Variants in SPRED2 observed in about 807,000 individuals in gnomAD.
SPRED2 encodes the protein sprouty related EVH1 domain containing 2.
A neutral mutation model predicts 43.0 loss-of-function variants in SPRED2; 47 were observed. The observed-to-expected ratio is 1.09, with a 90% CI of 0.87 to 1.40. SPRED2 has a LOEUF of 1.40. Among genes scored for constraint, SPRED2 ranks in the 40% most tolerant of loss-of-function variants. SPRED2 has a pLI of 0.00. For missense variants in SPRED2, 561 were observed against 586.4 expected (o/e 0.96, Z 0.45); for synonymous variants, 225 against 225.7 (o/e 1.00, Z 0.03).
At chr2:65,396,786 CAAAT>C (rs1163319412) in intron 1 of SPRED2, among the ~76,000 whole-genome samples, 2 of 152,214 alleles carry the variant, frequency 1.3e-5, no homozygotes. Flanking sequence ...CCATTTTAAA[CAAAT>C]AAGTCACCCT....
chr2:65,338,839 A>T (rs1320064868), intron 2 of SPRED2, among the ~76,000 whole-genome samples: 1 of 143,374 alleles, frequency 7.0e-6, no homozygotes, highest in African/African-American at 2.6e-5. Flanking sequence ...CCGCCATCCC[A>T]CCTGGGAAGT....
chr2:65,311,923 G>A lies in SPRED2; in HGVS notation c.*1578C>T. Reference sequence around the variant, plus strand: ...CTGGTGTCCTGTGTGCAATAAAGAAGGAGTGGGGAAAGGGAGTGGGGAGCA... The same window carrying A: ...CTGGTGTCCTGTGTGCAATAAAGAAAGAGTGGGGAAAGGGAGTGGGGAGCA... On this transcript the variant is annotated 3_prime_UTR_variant, in exon 6 of 6. Coordinates refer to ENST00000356388, the MANE Select transcript of SPRED2 (RefSeq NM_181784.3). 1.0e-6 allele frequency: 1 copy of A among 985,418 alleles called. No individual in the cohort carries two copies. Among genetic ancestry groups the A allele is most frequent in the Non-Finnish European group, 1.2e-6 (1 of 829,954 alleles). The allele number at this position is 985,418 out of a possible 1,614,324, so 61.0% of individuals were successfully genotyped here. A position where few individuals can be genotyped will look rare whatever the true frequency, so the allele number is the denominator to read the frequency against.
intron 4 of SPRED2, among the ~76,000 whole-genome samples, chr2:65,324,278 T>C (rs985498667): frequency 1.1e-4 from 16 of 152,138 alleles, no homozygotes; most frequent in African/African-American, 3.9e-4. Flanking sequence ...AGCAACTCCA[T>C]GGAGCTTCAA....
intron 1 of SPRED2, chr2:65,366,655 C>CTA: frequency 2.6e-6 from 4 of 1,544,752 alleles, no homozygotes; most frequent in Non-Finnish European, 3.5e-6. Flanking sequence ...ATTATTGCTA[C>CTA]TATAAAGCTT....
intron 1 of SPRED2, among the ~76,000 whole-genome samples, chr2:65,391,293 G>A (rs1202709150): frequency 6.6e-6 from 1 of 151,760 alleles, no homozygotes; most frequent in East Asian, 1.9e-4. Context: ...AGGCCAACGG[G>A]AACAGGTGGT....
intron 3 of SPRED2, among the ~76,000 whole-genome samples, chr2:65,333,120 G>A (rs1244375408): frequency 6.6e-6 from 1 of 151,970 alleles, no homozygotes; most frequent in Non-Finnish European, 1.5e-5. Context: ...ACAAAAATTA[G>A]CTGGGTGTGA....
At chr2:65,362,446 A>G (rs987699899) in intron 1 of SPRED2, among the ~76,000 whole-genome samples, 2 of 151,848 alleles carry the variant, frequency 1.3e-5, no homozygotes, top group African/African-American at 4.8e-5. Context: ...ATTGTTTTGT[A>G]TTTTTAGTAG....
At chr2:65,360,077 A>AC (rs1674762424) in intron 1 of SPRED2, among the ~76,000 whole-genome samples, 4 of 95,300 alleles carry the variant, frequency 4.2e-5, no homozygotes, top group African/African-American at 1.4e-4. Context: ...AAAAAAAAAA[A>AC]ACAAAAAAAA....
chr2:65,381,627 A>G (rs1490981908), intron 1 of SPRED2, among the ~76,000 whole-genome samples: 2 of 152,240 alleles, frequency 1.3e-5, no homozygotes, highest in African/African-American at 4.8e-5. Flanking sequence ...AAGGTTCAGT[A>G]CATGACAGAC....
At chr2:65,391,210 AC>A (rs1675629254) in intron 1 of SPRED2, among the ~76,000 whole-genome samples, 1 of 151,696 alleles carries the variant, frequency 6.6e-6, no homozygotes, top group East Asian at 1.9e-4. Context: ...ACACACACAC[AC>A]ACACACACAC....
chr2:65,379,860 T>A (rs1675330933), intron 1 of SPRED2, among the ~76,000 whole-genome samples: 1 of 152,148 alleles, frequency 6.6e-6, no homozygotes, highest in South Asian at 2.1e-4. Context: ...TGGTCACACA[T>A]CCTCCTAGAT....
intron 1 of SPRED2, among the ~76,000 whole-genome samples, chr2:65,359,363 T>G (rs1180825293): frequency 6.6e-6 from 1 of 152,194 alleles, no homozygotes; most frequent in African/African-American, 2.4e-5. Context: ...AACACGTTAG[T>G]CTTAAAATAT....
Position 65,313,587 on chromosome 2 carries a change from T to C in SPRED2, c.1171A>G (p.Met391Val). The change falls in exon 6 of 6, where the codon ATG becomes GTG. Residue 391 changes from methionine to valine, a missense_variant. Around this residue, in one of 6 missense-constraint regions of SPRED2, gnomAD observed 65 missense variants for 60.2 expected, o/e 1.08. Transcript: ENST00000356388. ...GCCCGAAGGGGCAGGTAACAGCACA[T>C]ACAGGGGGCCAGGAAAGACAAGGCA... ...LIALSFLAPC[M>V]CCYLPLRACY... 1 of 1,614,042 alleles carries C rather than the reference T, an allele frequency of 6.2e-7. No individual in the cohort carries two copies. The highest frequency in any genetic ancestry group is 8.5e-7 in the Non-Finnish European group (1 of 1,179,968).
intron 1 of SPRED2, among the ~76,000 whole-genome samples, chr2:65,407,656 A>G (rs947427731): frequency 2.0e-5 from 3 of 152,178 alleles, no homozygotes; most frequent in Admixed American, 1.3e-4. Context: ...GGTTAAACCA[A>G]AAGATCAACT....
chr2:65,391,990 ATTAAG>A (rs1397524283), intron 1 of SPRED2, among the ~76,000 whole-genome samples: 1 of 151,942 alleles, frequency 6.6e-6, no homozygotes, highest in African/African-American at 2.4e-5. Flanking sequence ...TTTAAAAAGT[ATTAAG>A]TTATCTGTTT....
At chr2:65,416,553 G>C (rs1385567479) in intron 1 of SPRED2, among the ~76,000 whole-genome samples, 3 of 152,038 alleles carry the variant, frequency 2.0e-5, no homozygotes, top group Admixed American at 6.5e-5. Flanking sequence ...CCAGCTGATG[G>C]GGATTAACAA....
chr2:65,366,659 A>G, intron 1 of SPRED2: 1 of 1,544,536 alleles, frequency 6.5e-7, no homozygotes, highest in Non-Finnish European at 8.7e-7. Context: ...TTGCTACTAT[A>G]AAGCTTCCGA....
At chr2:65,384,862 C>G (rs938572159) in intron 1 of SPRED2, among the ~76,000 whole-genome samples, 1 of 152,206 alleles carries the variant, frequency 6.6e-6, no homozygotes, top group Non-Finnish European at 1.5e-5. Context: ...TTGTTCATTG[C>G]CTGTTCATTT....
chr2:65,376,769 C>T (rs560659679), intron 1 of SPRED2, among the ~76,000 whole-genome samples: 44 of 152,238 alleles, frequency 2.9e-4, no homozygotes, highest in African/African-American at 9.4e-4. Context: ...GTCTGGAGTG[C>T]AGTGGCGCAA....
Sources: allele counts gnomAD v4.1 joint callset (sites outside exome capture counted in the v4.1 genomes callset), GRCh38; gene constraint gnomAD v4.1.1; regional missense constraint gnomAD v4.1.1; transcripts MANE v1.5; gene names NCBI Gene and HGNC (gene_info 2026-07-23, HGNC 2026-07-21).